Variants in MRTFA observed in about 807,000 individuals in gnomAD.
MRTFA encodes the protein myocardin-related transcription factor A.
MRTFA carries 20 observed loss-of-function variants against 83.5 expected under a neutral mutation model. That is an observed-to-expected ratio of 0.24 (90% CI 0.17 to 0.35). MRTFA has a LOEUF of 0.35. MRTFA is among the 10% of genes least tolerant of loss of function. The probability of loss-of-function intolerance (pLI) is 1.00; values close to 1 mark genes in which losing one functional copy is unlikely to be tolerated. For synonymous variants in MRTFA, 659 were observed against 541.2 expected, an observed-to-expected ratio of 1.22 and a Z score of -3.02; for missense variants, 1,200 against 1,224.7, an observed-to-expected ratio of 0.98 and a Z score of 0.30.
intron 1 of MRTFA, among the ~76,000 whole-genome samples, chr22:40,634,932 T>C (rs1460167415): frequency 6.6e-6 from 1 of 152,236 alleles, no homozygotes; most frequent in Non-Finnish European, 1.5e-5. Flanking sequence ...AAATAACTTA[T>C]TCAAGTGGAT....
At chr22:40,536,946 G>C (rs1480210283) in intron 3 of MRTFA, among the ~76,000 whole-genome samples, 1 of 86,830 alleles carries the variant, frequency 1.2e-5, no homozygotes, top group Non-Finnish European at 2.4e-5. Flanking sequence ...CTCTCCACCC[G>C]GCAGCCACCC....
chr22:40,601,655 G>C (rs564062392), intron 1 of MRTFA, among the ~76,000 whole-genome samples: 15 of 152,180 alleles, frequency 9.9e-5, no homozygotes, highest in Admixed American at 2.0e-4. Context: ...AATACTCATC[G>C]TTTGATACTG....
At chr22:40,451,964 TTTTTTTTTTGG>T (rs2053496973) in intron 4 of MRTFA, among the ~76,000 whole-genome samples, 4 of 147,380 alleles carry the variant, frequency 2.7e-5, no homozygotes, top group Admixed American at 6.9e-5. Flanking sequence ...GGCTGAAGTT[TTTTTTTTTTGG>T]TTTTTTTTTT....
chr22:40,435,440 A>G, intron 5 of MRTFA, 59 bp downstream of exon 5: 1 of 1,530,500 alleles, frequency 6.5e-7, no homozygotes, highest in African/African-American at 1.4e-5. Context: ...ATAACCAGCA[A>G]TGCAATGAGC....
At chr22:40,625,655 G>C (rs941537496) in intron 1 of MRTFA, among the ~76,000 whole-genome samples, 3 of 152,046 alleles carry the variant, frequency 2.0e-5, no homozygotes, top group Non-Finnish European at 1.5e-5. Context: ...GCAGGCGCTT[G>C]TAATTCCCAG....
intron 3 of MRTFA, among the ~76,000 whole-genome samples, chr22:40,508,844 T>C (rs149893636): frequency 7.0e-6 from 1 of 142,152 alleles, no homozygotes; most frequent in African/African-American, 2.6e-5. Flanking sequence ...ACTCTGCCTC[T>C]ACCAAAAAAA....
At chr22:40,526,156 C>T (rs896571468) in intron 3 of MRTFA, 1 of 152,068 alleles carries the variant, frequency 6.6e-6, no homozygotes, top group African/African-American at 2.4e-5. Flanking sequence ...GCTGGTACTA[C>T]AAGCACATGC....
At chr22:40,424,494 C>T (rs2052912220) in intron 7 of MRTFA, 113 bp from the exon 8 acceptor site, 2 of 1,153,734 alleles carry the variant, frequency 1.7e-6, no homozygotes, top group Middle Eastern at 2.4e-4. Flanking sequence ...CCCACATGCC[C>T]CGTGAGGCAG....
In MRTFA at chr22:40,595,286, A is replaced by AT. The variant is rs893782427; in HGVS notation, c.-83-552dup. Among the ~76,000 whole-genome samples the AT allele has an allele frequency of 3.3e-3, 491 of 149,904 alleles. 1 individual carries two copies. Among genetic ancestry groups the AT allele is most frequent in the African/African-American group, 9.5e-3 (387 of 40,788 alleles). On this transcript the variant is annotated intron_variant, in intron 1 of 14. Transcript: ENST00000355630. ...CAGGTGTGCACCATTACGTCGGGCT[A>AT]TTTTTTTTTGTATTTTAGTGGAGAC... is the stretch of plus-strand genomic sequence containing the variant.
intron 3 of MRTFA, among the ~76,000 whole-genome samples, chr22:40,509,982 T>TAAAAAA (rs556051473): frequency 1.3e-4 from 14 of 108,102 alleles, no homozygotes; most frequent in African/African-American, 4.0e-4. Flanking sequence ...CCAAGTACTT[T>TAAAAAA]AAAAAAAAAA....
At chr22:40,497,582 A>G (rs1166076046) in intron 3 of MRTFA, among the ~76,000 whole-genome samples, 1 of 151,606 alleles carries the variant, frequency 6.6e-6, no homozygotes, top group African/African-American at 2.4e-5. Context: ...GTAAAACCCC[A>G]TCTCTACTAA....
intron 2 of MRTFA, among the ~76,000 whole-genome samples, chr22:40,588,176 G>C (rs1027716660): frequency 6.6e-6 from 1 of 151,832 alleles, no homozygotes; most frequent in East Asian, 1.9e-4. Context: ...TTACAGGCAC[G>C]CGCCACCACG....
chr22:40,611,319 C>G lies in MRTFA; in HGVS notation c.-83-16584G>C, dbSNP rs114874049. The stretch of plus-strand genomic sequence containing the variant: ...TGGCACAATCTTTGCTCACTGCAGC[C>G]TTGACTTCCTGGATTCGAGTGATCC... On this transcript the variant is annotated intron_variant, in intron 1 of 14. Transcript: ENST00000355630. Among the ~76,000 whole-genome samples the G allele has an allele frequency of 3.3e-3, 504 of 152,142 alleles. 2 individuals carry two copies. The highest frequency in any genetic ancestry group is 0.012 in the African/African-American group (480 of 41,506).
intron 7 of MRTFA, among the ~76,000 whole-genome samples, chr22:40,426,229 C>T (rs1034793422): frequency 6.6e-6 from 1 of 152,128 alleles, no homozygotes; most frequent in African/African-American, 2.4e-5. Flanking sequence ...AGCCAAACTT[C>T]CTTCCCAGCT....
At chr22:40,544,244 G>C (rs2055331221) in intron 3 of MRTFA, among the ~76,000 whole-genome samples, 1 of 152,148 alleles carries the variant, frequency 6.6e-6, no homozygotes, top group South Asian at 2.1e-4. Context: ...TGTTTTGTTT[G>C]TTTGTTTTGA....
At chr22:40,525,992 G>A (rs2054964480) in intron 3 of MRTFA, among the ~76,000 whole-genome samples, 1 of 151,930 alleles carries the variant, frequency 6.6e-6, no homozygotes, top group African/African-American at 2.4e-5. Flanking sequence ...GGATGGTCAG[G>A]GAGTGCGCCT....
intron 3 of MRTFA, among the ~76,000 whole-genome samples, chr22:40,550,907 A>G (rs1445691668): frequency 1.4e-5 from 2 of 142,768 alleles, no homozygotes; most frequent in African/African-American, 5.3e-5. Flanking sequence ...GCTGGAGTGC[A>G]GTGGCGCGAT....
chr22:40,483,450 C>T (rs1053242053), intron 3 of MRTFA, among the ~76,000 whole-genome samples: 8 of 151,176 alleles, frequency 5.3e-5, no homozygotes, highest in Admixed American at 4.0e-4. Flanking sequence ...CTTTGGGAGG[C>T]CGAGGCGAGT....
At chr22:40,429,801 A>G in intron 6 of MRTFA, 34 bp from the exon 7 acceptor site, 1 of 1,574,074 alleles carries the variant, frequency 6.4e-7, no homozygotes, top group East Asian at 2.2e-5. Context: ...GCAGGAAGAT[A>G]TATGAGTGGA....
Sources: gnomAD v4.1 joint callset for allele counts (sites outside exome capture counted in the v4.1 genomes callset) on GRCh38, gnomAD v4.1.1 for gene constraint, MANE v1.5 for transcripts, NCBI Gene and HGNC (gene_info 2026-07-23, HGNC 2026-07-21) for gene names.